The following SPAG16 variants were observed in gnomAD, a reference collection of about 807,000 sequenced individuals.
SPAG16 encodes the protein sperm associated antigen 16.
SPAG16 carries 86 observed loss-of-function variants against 80.4 expected under a neutral mutation model. The observed-to-expected ratio is 1.07, with a 90% CI of 0.90 to 1.28. SPAG16 has a LOEUF of 1.28. SPAG16 is among the 50% of genes most tolerant of loss of function. The pLI, the probability that SPAG16 is intolerant of heterozygous loss-of-function variation, is 0.00. For synonymous variants in SPAG16, 294 were observed against 265.9 expected (o/e 1.11, Z -1.03); for missense variants, 870 against 765.3 (o/e 1.14, Z -1.61).
chr2:213,735,203 T>C (rs1255462862), intron 10 of SPAG16, among the ~76,000 whole-genome samples: 2 of 152,146 alleles, frequency 1.3e-5, no homozygotes, highest in Non-Finnish European at 2.9e-5. Flanking sequence ...CCAAACTAAA[T>C]ATGTAGGTGC....
intron 15 of SPAG16, among the ~76,000 whole-genome samples, chr2:214,275,398 A>G (rs1263589395): frequency 1.3e-5 from 2 of 152,122 alleles, no homozygotes; most frequent in Admixed American, 6.6e-5. Context: ...TAGGGTGCCA[A>G]TTTTAGATCT....
intron 9 of SPAG16, among the ~76,000 whole-genome samples, chr2:213,457,697 A>G (rs1190711247): frequency 6.6e-6 from 1 of 152,052 alleles, no homozygotes; most frequent in East Asian, 1.9e-4. Flanking sequence ...CACTATTTTT[A>G]ATCTACATAT....
intron 10 of SPAG16, among the ~76,000 whole-genome samples, chr2:213,840,573 G>A (rs144104445): frequency 6.6e-6 from 1 of 152,198 alleles, no homozygotes; most frequent in African/African-American, 2.4e-5. Flanking sequence ...TCAAGGTAGA[G>A]TAAGGTAAAT....
At chr2:213,821,136 T>C (rs12468762) in intron 10 of SPAG16, among the ~76,000 whole-genome samples, 95,433 of 151,856 alleles carry the variant, frequency 0.63, 31,360 homozygotes, top group South Asian at 0.86. Context: ...TGATTAAATC[T>C]TGTAGGTTCA....
chr2:213,792,576 CT>C (rs11372174), intron 10 of SPAG16, among the ~76,000 whole-genome samples: 3,908 of 78,276 alleles, frequency 0.05, 18 homozygotes, highest in Middle Eastern at 0.087. Flanking sequence ...AAATGAGTAT[CT>C]TTTTTTTTTT....
intron 10 of SPAG16, among the ~76,000 whole-genome samples, chr2:213,622,136 A>G (rs2061809363): frequency 1.3e-5 from 2 of 152,184 alleles, no homozygotes; most frequent in Admixed American, 1.3e-4. Flanking sequence ...CTAAACCTCA[A>G]ATGAGTGAAA....
At chr2:214,163,576 G>A (rs201354536) in intron 15 of SPAG16, among the ~76,000 whole-genome samples, 14 of 110,934 alleles carry the variant, frequency 1.3e-4, no homozygotes, top group East Asian at 4.3e-4. Flanking sequence ...ATGTGTGTGT[G>A]TATATATATA....
intron 3 of SPAG16, among the ~76,000 whole-genome samples, chr2:213,306,182 A>G (rs1210858236): frequency 6.6e-6 from 1 of 151,300 alleles, no homozygotes; most frequent in Admixed American, 6.6e-5. Flanking sequence ...ATTGGTTGTG[A>G]TGTCCCCTTT....
chr2:214,399,323 T>G lies in SPAG16; in HGVS notation c.1721-10817T>G, dbSNP rs1701579798. 2.6e-5 allele frequency among the ~76,000 whole-genome samples: 4 copies of G among 152,082 alleles called. No homozygotes were observed. In the South Asian group the frequency reaches 8.3e-4, roughly 31 times the overall value. The stretch of plus-strand genomic sequence containing the variant: ...TCTTTTATCACATATTTGCATATCT[T>G]TTTTTTACTATAACTATTAATGGTG... On this transcript the variant is annotated intron_variant, in intron 15 of 15. Coordinates refer to ENST00000331683, the MANE Select transcript of SPAG16 (RefSeq NM_024532.5).
chr2:213,328,878 G>C (rs557647647), intron 5 of SPAG16, among the ~76,000 whole-genome samples: 1 of 152,258 alleles, frequency 6.6e-6, no homozygotes, highest in South Asian at 2.1e-4. Flanking sequence ...GGAGGGACCT[G>C]GTGGGAGGTA....
At chr2:214,014,105 A>G in intron 13 of SPAG16, 28 bp downstream of exon 13, 2 of 1,608,964 alleles carry the variant, frequency 1.2e-6, no homozygotes. Flanking sequence ...TTTTTTTCCC[A>G]GCTTTTGATA....
At chr2:213,494,707 G>A (rs1222135638) in intron 10 of SPAG16, among the ~76,000 whole-genome samples, 1 of 152,110 alleles carries the variant, frequency 6.6e-6, no homozygotes, top group South Asian at 2.1e-4. Context: ...ATACAATGAT[G>A]TCTTCCCCTT....
Position 213,913,670 on chromosome 2 carries a change from C to A in SPAG16, c.1215-16290C>A, listed in dbSNP as rs13023245. Among the ~76,000 whole-genome samples, 359 of 64,510 alleles carry A rather than the reference C, an allele frequency of 5.6e-3. 11 individuals are homozygous for A. Among genetic ancestry groups the A allele is most frequent in the East Asian group, 0.017 (21 of 1,214 alleles). The allele number at this position is 64,510 out of a possible 152,430, so 42.3% of individuals were successfully genotyped here. A position where few individuals can be genotyped will look rare whatever the true frequency, so the allele number is the denominator to read the frequency against. On this transcript the variant is annotated intron_variant, in intron 11 of 15. Transcript: ENST00000331683. ...GTACATGTACATATATGTATATGTA[C>A]ATATGGATATATATGCATACACATA...
intron 15 of SPAG16, among the ~76,000 whole-genome samples, chr2:214,302,636 G>A (rs897401294): frequency 1.8e-4 from 27 of 151,864 alleles, no homozygotes; most frequent in African/African-American, 5.3e-4. Flanking sequence ...GTGCACCACC[G>A]CACCCGGCTA....
At chr2:214,111,851 A>T (rs1359293219) in intron 14 of SPAG16, among the ~76,000 whole-genome samples, 2 of 152,018 alleles carry the variant, frequency 1.3e-5, no homozygotes, top group African/African-American at 4.8e-5. Flanking sequence ...ATCCCTTGTG[A>T]GTTGGATTCC....
intron 8 of SPAG16, among the ~76,000 whole-genome samples, chr2:213,373,571 GCT>G (rs2066747974): frequency 6.6e-6 from 1 of 151,960 alleles, no homozygotes; most frequent in African/African-American, 2.4e-5. Context: ...TTGTTTACTT[GCT>G]TTTTAATTTT....
At chr2:214,184,127 A>G (rs911697798) in intron 15 of SPAG16, among the ~76,000 whole-genome samples, 1 of 152,090 alleles carries the variant, frequency 6.6e-6, no homozygotes, top group African/African-American at 2.4e-5. Flanking sequence ...TATGAAATAA[A>G]TATGCTTATA....
intron 3 of SPAG16, chr2:213,302,659 GTT>G (rs2062792029): frequency 7.0e-6 from 1 of 143,390 alleles, no homozygotes; most frequent in Non-Finnish European, 1.5e-5. Context: ...GTGTGTGTGT[GTT>G]GTGTATAAAT....
At chr2:213,422,024 T>C (rs2125441020) in intron 9 of SPAG16, 1 of 582,764 alleles carries the variant, frequency 1.7e-6, no homozygotes, top group Non-Finnish European at 3.1e-6. Flanking sequence ...CAGTTTTTCA[T>C]GTACCTCATT....
Sources: gnomAD v4.1 joint callset for allele counts (sites outside exome capture counted in the v4.1 genomes callset) on GRCh38, gnomAD v4.1.1 for gene constraint, MANE v1.5 for transcripts, NCBI Gene and HGNC (gene_info 2026-07-23, HGNC 2026-07-21) for gene names.